OPRM1: variants seen among roughly 807,000 people sequenced by gnomAD.
OPRM1 encodes mu-type opioid receptor.
A neutral mutation model predicts 31.8 loss-of-function variants in OPRM1; 27 were observed. The observed-to-expected ratio is 0.85, with a 90% CI of 0.63 to 1.17. The LOEUF is 1.17. Among genes scored for constraint, OPRM1 ranks in the 50% most tolerant of loss-of-function variants. OPRM1 has a pLI of 0.00. For synonymous variants in OPRM1, 196 were observed against 189.9 expected, an observed-to-expected ratio of 1.03 and a Z score of -0.26; for missense variants, 536 against 511.1, an observed-to-expected ratio of 1.05 and a Z score of -0.47.
intron 1 of OPRM1, among the ~76,000 whole-genome samples, chr6:154,077,167 G>T (rs1788040479): frequency 1.3e-5 from 2 of 152,178 alleles, no homozygotes; most frequent in South Asian, 4.1e-4. Flanking sequence ...GTTTCTCAGG[G>T]ACATTGCACA....
chr6:154,090,052 C>T lies in OPRM1; in HGVS notation c.517C>T (p.His173Tyr). 4 of 1,613,934 alleles carry T rather than the reference C, an allele frequency of 2.5e-6. No individual in the cohort carries two copies. Among genetic ancestry groups the T allele is most frequent in the South Asian group, 2.2e-5 (2 of 91,074 alleles). ...MSVDRYIAVC[H>Y]PVKALDFRTP... ...TGTTGATCGATACATTGCAGTCTGC[C>T]ACCCTGTCAAGGCCTTAGATTTCCG... Residue 173 changes from histidine to tyrosine, a missense_variant, in exon 2 of 4, where the codon CAC (histidine) becomes TAC (tyrosine). By Grantham distance (83) the His-to-Tyr change is moderately conservative (BLOSUM62 2). Transcript: ENST00000330432.
At chr6:154,152,817 A>T (rs1391892526) in intron 3 of OPRM1, among the ~76,000 whole-genome samples, 1 of 151,748 alleles carries the variant, frequency 6.6e-6, no homozygotes, top group Non-Finnish European at 1.5e-5. Flanking sequence ...GTAGCCCCGA[A>T]CTCCTGGGCT....
rs543695202 is a variant in OPRM1 at position 154,125,789 on chromosome 6, A to ATT, written c.*7098_*7099dup. ...TTTGCATTGCCCACTAAGGCTAGAC[A>ATT]TTTTTTTTTTTTTTTTTTTTTTTTT... On this transcript the variant is annotated 3_prime_UTR_variant, in exon 4 of 4. Coordinates refer to ENST00000330432, the MANE Select transcript of OPRM1 (RefSeq NM_000914.5). Among the ~76,000 whole-genome samples, 47 of 21,406 alleles carry ATT rather than the reference A, an allele frequency of 2.2e-3. 8 individuals carry two copies. The highest frequency in any genetic ancestry group is 2.8e-3 in the African/African-American group (24 of 8,612). 14.0% of individuals were successfully genotyped at this position (21,406 alleles called of 152,430 possible).
intron 1 of OPRM1, among the ~76,000 whole-genome samples, chr6:154,042,325 A>T (rs1422966989): frequency 6.6e-6 from 1 of 152,216 alleles, no homozygotes; most frequent in Admixed American, 6.5e-5. Context: ...AAACTACAAA[A>T]TGATCAGTTC....
chr6:154,077,596 T>G (rs908706480), intron 1 of OPRM1, among the ~76,000 whole-genome samples: 1 of 151,798 alleles, frequency 6.6e-6, no homozygotes, highest in Non-Finnish European at 1.5e-5. Flanking sequence ...CCAGGCGTGG[T>G]GGCACATGCC....
At chr6:154,186,415 C>A (rs2128574834) in intron 3 of OPRM1, among the ~76,000 whole-genome samples, 1 of 152,354 alleles carries the variant, frequency 6.6e-6, no homozygotes, top group South Asian at 2.1e-4. Flanking sequence ...TGACTGCTTT[C>A]CATCTCAACC....
chr6:154,090,895 C>A, intron 2 of OPRM1, 57 bp from the exon 3 acceptor site: 3 of 1,514,882 alleles, frequency 2.0e-6, no homozygotes, highest in African/African-American at 1.4e-5. Flanking sequence ...AGTATTAACA[C>A]CTTATGACAT....
At chr6:154,197,470 A>G (rs1015021004) in intron 3 of OPRM1, among the ~76,000 whole-genome samples, 2 of 152,190 alleles carry the variant, frequency 1.3e-5, no homozygotes, top group Admixed American at 1.3e-4. Context: ...CAACAAATCA[A>G]TGAGAGAAAA....
chr6:154,217,627 G>A (rs1446086091), intron 3 of OPRM1: 1 of 152,086 alleles, frequency 6.6e-6, no homozygotes, highest in African/African-American at 2.4e-5. Context: ...ACACGAATAC[G>A]TTTTATGTAT....
intron 1 of OPRM1, among the ~76,000 whole-genome samples, chr6:154,061,828 GAAAAA>G (rs11441094): frequency 6.8e-6 from 1 of 146,922 alleles, no homozygotes; most frequent in Non-Finnish European, 1.5e-5. Flanking sequence ...ATAATAGTTG[GAAAAA>G]AAAAAGGTGT....
At position 154,132,267 on chromosome 6, in the gene OPRM1, A is replaced by T. The variant is rs1797939688; in HGVS notation, c.*13546A>T. On this transcript the variant is annotated 3_prime_UTR_variant, in exon 4 of 4. Coordinates refer to ENST00000330432, the MANE Select transcript of OPRM1 (RefSeq NM_000914.5). ...TATTGTTCTTGATGTACCAGCATAC[A>T]TAAACATATTAGGCTGTATTGTAAG... 6.6e-6 allele frequency among the ~76,000 whole-genome samples: 1 copy of T among 152,234 alleles called. No individual in the cohort carries two copies. Among genetic ancestry groups the T allele is most frequent in the Non-Finnish European group, 1.5e-5 (1 of 68,030 alleles).
At position 154,146,617 on chromosome 6, in the gene OPRM1, G is replaced by C. The variant is rs569658321; in HGVS notation, c.1164+55145G>C. 1.8e-4 allele frequency among the ~76,000 whole-genome samples: 27 copies of C among 152,214 alleles called. 1 individual carries two copies. Among genetic ancestry groups the C allele is most frequent in the Non-Finnish European group, 3.7e-4 (25 of 68,042 alleles). The stretch of plus-strand genomic sequence containing the variant: ...TCACTCATATTGGATGATACATTAA[G>C]GTGACAAGTTAGGGAAAAGAGCATT... On this transcript the variant is annotated intron_variant, in intron 3 of 3. Transcript: ENST00000337049.
chr6:154,148,896 C>A (rs1033107760), intron 3 of OPRM1, among the ~76,000 whole-genome samples: 1 of 152,184 alleles, frequency 6.6e-6, no homozygotes, highest in African/African-American at 2.4e-5. Context: ...CCTCTGTATA[C>A]CCCTACCTTA....
At chr6:154,141,993 G>A (rs1798225279) in intron 3 of OPRM1, among the ~76,000 whole-genome samples, 1 of 152,178 alleles carries the variant, frequency 6.6e-6, no homozygotes, top group Non-Finnish European at 1.5e-5. Context: ...GTTGCTAGTA[G>A]ATCTGTGGTA....
intron 1 of OPRM1, chr6:154,087,218 AT>A: frequency 1.0e-6 from 1 of 985,432 alleles, no homozygotes; most frequent in South Asian, 4.7e-5. Context: ...AGGTATCAGA[AT>A]TTTAAAGCTT....
chr6:154,192,479 G>A (rs1474158022), intron 3 of OPRM1, among the ~76,000 whole-genome samples: 1 of 151,910 alleles, frequency 6.6e-6, no homozygotes, highest in Non-Finnish European at 1.5e-5. Context: ...TATAAATATC[G>A]AGTCATGAAA....
chr6:154,127,138 A>G lies in OPRM1; in HGVS notation c.*8417A>G, dbSNP rs928575646. ...AAAAAAAAGTGCCACATGCCATGCT[A>G]TGTGCCCAAAGTTTCCTTCACACAA... On this transcript the variant is annotated 3_prime_UTR_variant, in exon 4 of 4. Coordinates refer to ENST00000330432, the MANE Select transcript of OPRM1 (RefSeq NM_000914.5). Among the ~76,000 whole-genome samples, 39 of 149,908 alleles carry G rather than the reference A, an allele frequency of 2.6e-4. No homozygotes were observed. Among genetic ancestry groups the G allele is most frequent in the African/African-American group, 9.1e-4 (37 of 40,854 alleles).
At chr6:154,107,459 T>A (rs1305852257) in intron 3 of OPRM1, 2 of 718,522 alleles carry the variant, frequency 2.8e-6, no homozygotes, top group Non-Finnish European at 5.2e-6. Context: ...GTGACTTACT[T>A]TCTAGGTGGA....
intron 3 of OPRM1, among the ~76,000 whole-genome samples, chr6:154,242,407 T>C (rs1455251617): frequency 6.6e-6 from 1 of 152,194 alleles, no homozygotes; most frequent in Non-Finnish European, 1.5e-5. Flanking sequence ...GCAACGTAAA[T>C]GCCGAAGATT....
Sources: gnomAD v4.1 joint callset for allele counts (sites outside exome capture counted in the v4.1 genomes callset) on GRCh38, gnomAD v4.1.1 for gene constraint, MANE v1.5 for transcripts, NCBI Gene and HGNC (gene_info 2026-07-23, HGNC 2026-07-21) for gene names.